ZMYM2: variants seen among roughly 807,000 people sequenced by gnomAD.
ZMYM2 encodes the protein zinc finger MYM-type containing 2, also known as zinc finger MYM-type protein 2.
ZMYM2 carries 56 observed loss-of-function variants against 162.8 expected under a neutral mutation model. That is an observed-to-expected ratio of 0.34 (90% CI 0.28 to 0.43). ZMYM2 has a LOEUF of 0.43. ZMYM2 is among the 20% of genes least tolerant of loss of function. The pLI, the probability that ZMYM2 is intolerant of heterozygous loss-of-function variation, is 1.00. For missense variants in ZMYM2, 1,275 were observed against 1,621.8 expected, an observed-to-expected ratio of 0.79 and a Z score of 3.67; for synonymous variants, 510 against 541.6, an observed-to-expected ratio of 0.94 and a Z score of 0.81.
At chr13:19,911,020 G>A in the ZMYM2 span, among the ~76,000 whole-genome samples, 6 of 149,272 alleles carry the variant, frequency 4.0e-5, no homozygotes, top group Admixed American at 6.8e-5. Flanking sequence ...AAACAGAATC[G>A]TAGCCCTTTA....
chr13:19,874,773 A>G, the ZMYM2 span, among the ~76,000 whole-genome samples: 5 of 152,204 alleles, frequency 3.3e-5, no homozygotes, highest in South Asian at 1.0e-3. Context: ...TATTAAGCCT[A>G]CTACAGCTAG....
chr13:19,965,497 GTTATATA>G (rs1415343702), intron 2 of ZMYM2, among the ~76,000 whole-genome samples: 1 of 152,146 alleles, frequency 6.6e-6, no homozygotes, highest in Non-Finnish European at 1.5e-5. Context: ...TACAACACCT[GTTATATA>G]TTAGATAGTC....
Position 19,993,728 on chromosome 13 carries a change from C to T in ZMYM2, c.656C>T (p.Ser219Leu). 1 of 1,613,994 alleles carries T rather than the reference C, an allele frequency of 6.2e-7. No homozygotes were observed. Among genetic ancestry groups the T allele is most frequent in the Non-Finnish European group, 8.5e-7 (1 of 1,179,902 alleles). Residue 219 changes from serine to leucine, a missense_variant, in exon 3 of 25, where the codon TCA (serine) becomes TTA (leucine). Ser to Leu is a moderately radical substitution (Grantham distance 145). This residue lies in a region of ZMYM2 where 295 missense variants were observed against 286.7 expected (regional missense o/e 1.03). Transcript: ENST00000610343. ...DMNLMITHVT[S>L]LQNTNLGDVS... The stretch of plus-strand genomic sequence containing the variant: ...AACTTAATGATTACACATGTAACAT[C>T]ACTGCAGAATACCAACTTGGGAGAT...
chr13:19,958,263 G>A (rs1954697834), upstream of ZMYM2, among the ~76,000 whole-genome samples: 1 of 152,192 alleles, frequency 6.6e-6, no homozygotes, highest in African/African-American at 2.4e-5. Context: ...TTGGGGCATC[G>A]AGGCCGCGGC....
intron 2 of ZMYM2, among the ~76,000 whole-genome samples, chr13:19,987,910 C>A (rs1047888376): frequency 2.6e-5 from 4 of 152,212 alleles, no homozygotes; most frequent in Non-Finnish European, 1.5e-5. Context: ...CTGCCCTCAG[C>A]CCATTTTCTT....
the ZMYM2 span, among the ~76,000 whole-genome samples, chr13:19,913,051 C>T: frequency 1.3e-5 from 2 of 152,160 alleles, no homozygotes; most frequent in African/African-American, 4.8e-5. Flanking sequence ...GGGTCTGTAA[C>T]AGGTCAAAGC....
chr13:19,913,823 A>G, the ZMYM2 span, among the ~76,000 whole-genome samples: 2 of 152,230 alleles, frequency 1.3e-5, no homozygotes, highest in Non-Finnish European at 1.5e-5. Flanking sequence ...CTGAATGCCC[A>G]TGATAGCCAT....
At chr13:19,964,080 A>G (rs9579749) in intron 2 of ZMYM2, among the ~76,000 whole-genome samples, 15,637 of 152,238 alleles carry the variant, frequency 0.1, 1,317 homozygotes, top group African/African-American at 0.22. Flanking sequence ...AAGAAATGAC[A>G]TAAGAGTAAA....
At chr13:20,046,583 G>A (rs7997473) in intron 12 of ZMYM2, among the ~76,000 whole-genome samples, 27,835 of 108,070 alleles carry the variant, frequency 0.26, 3,407 homozygotes, top group African/African-American at 0.39. Flanking sequence ...ATATATATAT[G>A]TGTGTGTGTG....
At chr13:19,912,141 A>G in the ZMYM2 span, among the ~76,000 whole-genome samples, 8 of 152,252 alleles carry the variant, frequency 5.3e-5, no homozygotes, top group East Asian at 1.5e-3. Context: ...TGAGTTGGCA[A>G]ATGCTTTCTT....
At chr13:19,960,309 G>A (rs549007731) in intron 2 of ZMYM2, among the ~76,000 whole-genome samples, 1 of 152,218 alleles carries the variant, frequency 6.6e-6, no homozygotes, top group Non-Finnish European at 1.5e-5. Flanking sequence ...GAGGGGTGGT[G>A]CGAAGGAGGG....
At chr13:20,052,049 G>A (rs952497896) in intron 13 of ZMYM2, among the ~76,000 whole-genome samples, 2 of 151,946 alleles carry the variant, frequency 1.3e-5, no homozygotes, top group African/African-American at 2.4e-5. Flanking sequence ...GTATTTCCCC[G>A]AAAGCAGTGT....
intron 20 of ZMYM2, 102 bp downstream of exon 20, chr13:20,067,121 C>A (rs1375764359): frequency 5.8e-6 from 8 of 1,374,686 alleles, no homozygotes; most frequent in Non-Finnish European, 6.8e-6. Context: ...CTTAAAATAC[C>A]TGTAAGAATG....
At chr13:19,973,933 A>G (rs1182638401) in intron 2 of ZMYM2, among the ~76,000 whole-genome samples, 2 of 152,126 alleles carry the variant, frequency 1.3e-5, no homozygotes, top group Admixed American at 6.5e-5. Flanking sequence ...TTCTTTCAAT[A>G]TGGCCCAGGG....
chr13:19,928,277 A>G, the ZMYM2 span, among the ~76,000 whole-genome samples: 1 of 152,206 alleles, frequency 6.6e-6, no homozygotes, highest in Non-Finnish European at 1.5e-5. Flanking sequence ...TGCTGGGATT[A>G]TAGGCGTGAG....
the ZMYM2 span, among the ~76,000 whole-genome samples, chr13:19,893,504 A>C: frequency 6.6e-6 from 1 of 151,860 alleles, no homozygotes; most frequent in South Asian, 2.1e-4. Flanking sequence ...TTGGGAGGCC[A>C]AGGCGGGTGG....
chr13:20,057,737 T>G (rs1226470363), intron 14 of ZMYM2, among the ~76,000 whole-genome samples: 1 of 152,228 alleles, frequency 6.6e-6, no homozygotes, highest in East Asian at 1.9e-4. Flanking sequence ...AATTATGTAT[T>G]TATCAGTTGA....
intron 19 of ZMYM2, among the ~76,000 whole-genome samples, chr13:20,065,844 G>A (rs942483753): frequency 1.3e-5 from 2 of 152,072 alleles, no homozygotes; most frequent in African/African-American, 4.8e-5. Context: ...TCTAGCATGG[G>A]TGACAGAGCA....
chr13:20,052,782 A>G (rs755983464), intron 14 of ZMYM2, among the ~76,000 whole-genome samples: 1 of 152,228 alleles, frequency 6.6e-6, no homozygotes, highest in Non-Finnish European at 1.5e-5. Context: ...AAGCACGTGT[A>G]TTTGGCAGAA....
Sources: allele counts gnomAD v4.1 joint callset (sites outside exome capture counted in the v4.1 genomes callset), GRCh38; gene constraint gnomAD v4.1.1; regional missense constraint gnomAD v4.1.1; transcripts MANE v1.5; gene names NCBI Gene and HGNC (gene_info 2026-07-23, HGNC 2026-07-21).